BMPR1B: variants seen among roughly 807,000 people sequenced by gnomAD.
BMPR1B encodes the protein bone morphogenetic protein receptor type 1B.
Under a neutral mutation model 59.1 loss-of-function variants are expected in BMPR1B, and 12 were observed. The observed-to-expected ratio is 0.20, with a 90% CI of 0.13 to 0.33. BMPR1B has a LOEUF of 0.33. Among genes scored for constraint, BMPR1B ranks in the 10% least tolerant of loss-of-function variants. The probability of loss-of-function intolerance (pLI) is 1.00; values close to 1 mark genes in which losing one functional copy is unlikely to be tolerated. For missense variants in BMPR1B, 550 were observed against 610.9 expected, an observed-to-expected ratio of 0.90 and a Z score of 1.05; for synonymous variants, 237 against 207.3, an observed-to-expected ratio of 1.14 and a Z score of -1.23.
At chr4:94,837,679 A>G (rs1724879279) in intron 1 of BMPR1B, among the ~76,000 whole-genome samples, 2 of 133,878 alleles carry the variant, frequency 1.5e-5, no homozygotes, top group African/African-American at 5.8e-5. Flanking sequence ...GGGGTTTTCT[A>G]GATATACAAT....
rs1724324851 is a variant in BMPR1B, at chr4:94,824,733, G to A, written c.-182-51098G>A. 2.0e-5 allele frequency among the ~76,000 whole-genome samples: 3 copies of A among 152,060 alleles called. No individual in the cohort carries two copies. The South Asian group carries it at 6.2e-4, about 32-fold the overall frequency. ...AAAAATTTCTGTTTAATTGATCTTG[G>A]GGAAAAATGGGGAAAATTTGGTATG... On this transcript the variant is annotated intron_variant, in intron 1 of 12. Transcript: ENST00000515059.
At chr4:94,929,836 G>A (rs116023297) in intron 2 of BMPR1B, among the ~76,000 whole-genome samples, 3,867 of 151,980 alleles carry the variant, frequency 0.025, 167 homozygotes, top group African/African-American at 0.088. Context: ...AGCTTGACAC[G>A]TCCCATGTCC....
At chr4:94,907,851 A>G (rs1480234888) in intron 2 of BMPR1B, among the ~76,000 whole-genome samples, 2 of 151,684 alleles carry the variant, frequency 1.3e-5, no homozygotes, top group African/African-American at 4.8e-5. Context: ...AGTAAAATGA[A>G]TATGAATGTA....
chr4:94,927,610 G>A (rs1728940209), intron 2 of BMPR1B, among the ~76,000 whole-genome samples: 1 of 152,112 alleles, frequency 6.6e-6, no homozygotes, highest in African/African-American at 2.4e-5. Flanking sequence ...GTCAGAAACT[G>A]GGAAATGCAG....
chr4:94,803,133 C>T (rs1723473050), intron 1 of BMPR1B, among the ~76,000 whole-genome samples: 1 of 152,198 alleles, frequency 6.6e-6, no homozygotes, highest in Admixed American at 6.5e-5. Context: ...CCAAGCCTGT[C>T]TTTGGCTGTT....
At chr4:95,025,519 T>C (rs1448536886) in intron 3 of BMPR1B, among the ~76,000 whole-genome samples, 1 of 152,194 alleles carries the variant, frequency 6.6e-6, no homozygotes, top group Non-Finnish European at 1.5e-5. Context: ...ATTTTGAATA[T>C]AGTGCTACTA....
intron 3 of BMPR1B, among the ~76,000 whole-genome samples, chr4:95,012,041 A>AC (rs200981179): frequency 1.8e-4 from 26 of 147,754 alleles, no homozygotes; most frequent in East Asian, 3.9e-4. Context: ...AACAACAACA[A>AC]AAAAAAAAAA....
At chr4:94,928,122 T>C (rs1042534382) in intron 2 of BMPR1B, among the ~76,000 whole-genome samples, 1 of 151,904 alleles carries the variant, frequency 6.6e-6, no homozygotes, top group Non-Finnish European at 1.5e-5. Context: ...TGATTAAATA[T>C]GTGTATGTGG....
chr4:95,043,319 A>G (rs1001752620), intron 3 of BMPR1B, among the ~76,000 whole-genome samples: 1 of 152,078 alleles, frequency 6.6e-6, no homozygotes, highest in Non-Finnish European at 1.5e-5. Context: ...TAAACTAAAG[A>G]TCCATGCAAG....
intron 1 of BMPR1B, among the ~76,000 whole-genome samples, chr4:94,813,454 CAT>C (rs1479641002): frequency 8.6e-5 from 13 of 151,996 alleles, no homozygotes; most frequent in Admixed American, 7.2e-4. Flanking sequence ...ACTGGCCTGA[CAT>C]GTGAGGAGCA....
At position 94,786,750 on chromosome 4, in the gene BMPR1B, T is replaced by C. The variant is rs374313324; in HGVS notation, c.-183+28682T>C. Among the ~76,000 whole-genome samples the C allele has an allele frequency of 4.0e-3, 606 of 152,206 alleles. 4 individuals carry two copies. The highest frequency in any genetic ancestry group is 5.7e-3 in the Non-Finnish European group (385 of 68,002). ...TAGTAGAGATGGGGCTTCACCGTGT[T>C]AGCCAGGATAGTCTTGATCTCCTGA... On this transcript the variant is annotated intron_variant, in intron 1 of 12. Coordinates refer to ENST00000515059, the MANE Select transcript of BMPR1B (RefSeq NM_001203.3).
intron 3 of BMPR1B, among the ~76,000 whole-genome samples, chr4:95,025,441 C>G (rs1724287136): frequency 6.6e-6 from 1 of 152,106 alleles, no homozygotes; most frequent in South Asian, 2.1e-4. Context: ...TTCTGCAAGA[C>G]AGATGATGGT....
At chr4:94,977,562 A>G (rs1172095180) in intron 2 of BMPR1B, among the ~76,000 whole-genome samples, 2 of 148,864 alleles carry the variant, frequency 1.3e-5, no homozygotes, top group Non-Finnish European at 3.0e-5. Context: ...TCCATGTGTT[A>G]TAAGAAGCAA....
chr4:95,119,109 A>C (rs2149284105), intron 6 of BMPR1B, among the ~76,000 whole-genome samples: 1 of 152,320 alleles, frequency 6.6e-6, no homozygotes, highest in South Asian at 2.1e-4. Flanking sequence ...GGAATGGAAA[A>C]GTATTATGTG....
intron 2 of BMPR1B, among the ~76,000 whole-genome samples, chr4:94,992,481 C>A (rs1403545984): frequency 1.3e-5 from 2 of 152,180 alleles, no homozygotes; most frequent in East Asian, 1.9e-4. Flanking sequence ...TGACTTCAGA[C>A]AAGCCACTTA....
chr4:94,824,674 TAAG>T (rs923203504), intron 1 of BMPR1B, among the ~76,000 whole-genome samples: 2 of 152,170 alleles, frequency 1.3e-5, no homozygotes, highest in Non-Finnish European at 2.9e-5. Context: ...ATAAGGCAAA[TAAG>T]AATTTTATTT....
chr4:95,154,670 C>T lies in BMPR1B; in HGVS notation c.1506C>T (p.Leu502=), dbSNP rs1172622526. 6.2e-7 allele frequency: 1 copy of T among 1,613,936 alleles called. No individual in the cohort carries two copies. Among genetic ancestry groups the T allele is most frequent in the Non-Finnish European group, 8.5e-7 (1 of 1,179,950 alleles). Residue 502 remains leucine, a synonymous_variant, in exon 13 of 13, where the codon CTC becomes CTT. Coordinates refer to ENST00000515059, the MANE Select transcript of BMPR1B (RefSeq NM_001203.3). The part of the protein sequence containing the change: ...AKMSESQDIK[L] ...TGTCAGAGTCCCAGGACATTAAACTCTGATAGGAGAGGAAAAGTAAGCATC... is the reference window on the plus strand; with the variant it reads ...TGTCAGAGTCCCAGGACATTAAACTTTGATAGGAGAGGAAAAGTAAGCATC...
chr4:94,811,935 A>C (rs1365257102), intron 1 of BMPR1B, among the ~76,000 whole-genome samples: 1 of 152,166 alleles, frequency 6.6e-6, no homozygotes, highest in Non-Finnish European at 1.5e-5. Context: ...AGGTTTTGAG[A>C]TGTAAAGGGT....
chr4:95,140,012 G>A (rs528023020), intron 10 of BMPR1B, among the ~76,000 whole-genome samples: 7 of 152,266 alleles, frequency 4.6e-5, no homozygotes, highest in East Asian at 1.9e-4. Flanking sequence ...CTTCTGCGTC[G>A]CTCATGGTGG....
Sources: gnomAD v4.1 joint callset for allele counts (sites outside exome capture counted in the v4.1 genomes callset) on GRCh38, gnomAD v4.1.1 for gene constraint, MANE v1.5 for transcripts, NCBI Gene and HGNC (gene_info 2026-07-23, HGNC 2026-07-21) for gene names.